VSTM2B: variants seen among roughly 807,000 people sequenced by gnomAD.
VSTM2B encodes the protein V-set and transmembrane domain-containing protein 2B.
Under a neutral mutation model 24.0 loss-of-function variants are expected in VSTM2B, and 24 were observed. The ratio of observed to expected loss-of-function variants is 1.00; its 90% CI spans 0.72 to 1.40. The LOEUF is 1.40. Ranked by LOEUF, VSTM2B falls within the 40% of genes most tolerant of loss-of-function variation. The probability of loss-of-function intolerance (pLI) is 0.00; values close to 1 mark genes in which losing one functional copy is unlikely to be tolerated. For synonymous variants in VSTM2B, 226 were observed against 194.4 expected (o/e 1.16, Z -1.35); for missense variants, 399 against 416.4 (o/e 0.96, Z 0.36).
chr19:29,564,405 TA>T lies in VSTM2B; in HGVS notation c.*477del, dbSNP rs1214789221. The T allele has an allele frequency of 6.6e-6, 1 of 152,380 alleles. No individual in the cohort carries two copies. The highest frequency in any genetic ancestry group is 6.5e-5 in the Admixed American group (1 of 15,290). 9.4% of individuals were successfully genotyped at this position (152,380 alleles called of 1,614,324 possible). ...ATTATTTCTTTTGAGGCATTTTGATTAAAAAAGACACATCTTATCATAATTA... is the reference window on the plus strand; with the variant it reads ...ATTATTTCTTTTGAGGCATTTTGATTAAAAAGACACATCTTATCATAATTA... On this transcript the variant is annotated 3_prime_UTR_variant, in exon 5 of 5. Transcript: ENST00000335523.
At chr19:29,557,713 AG>A (rs1301548649) in intron 4 of VSTM2B, among the ~76,000 whole-genome samples, 2 of 151,490 alleles carry the variant, frequency 1.3e-5, no homozygotes, top group Non-Finnish European at 2.9e-5. Context: ...AAAAAAAAAA[AG>A]ACTTAAATGT....
At chr19:29,534,754 A>G (rs1370155647) in intron 4 of VSTM2B, among the ~76,000 whole-genome samples, 1 of 151,950 alleles carries the variant, frequency 6.6e-6, no homozygotes, top group Non-Finnish European at 1.5e-5. Context: ...AAAGAAAAGA[A>G]AGAGGCTCAG....
intron 4 of VSTM2B, among the ~76,000 whole-genome samples, chr19:29,553,078 C>T (rs1970323657): frequency 6.6e-6 from 1 of 152,152 alleles, no homozygotes; most frequent in Admixed American, 6.5e-5. Context: ...AGTGAGATCC[C>T]CCCCAGCATA....
At position 29,559,068 on chromosome 19, in the gene VSTM2B, T is replaced by A. The variant is rs554764752; in HGVS notation, c.770-4778T>A. Among the ~76,000 whole-genome samples the A allele has an allele frequency of 1.2e-3, 190 of 152,190 alleles. 1 individual carries two copies. The highest frequency in any genetic ancestry group is 2.3e-3 in the Non-Finnish European group (154 of 68,012). ...AGACAATGTGGCTATTCCTCAAGGATCTAGAACCAGAAATACCATTTGACC... is the reference window on the plus strand; with the variant it reads ...AGACAATGTGGCTATTCCTCAAGGAACTAGAACCAGAAATACCATTTGACC... On this transcript the variant is annotated intron_variant, in intron 4 of 4. Coordinates refer to ENST00000335523, the MANE Select transcript of VSTM2B (RefSeq NM_001146339.2).
rs1305799424 is a variant in VSTM2B, at chr19:29,530,199, G to T, written c.678G>T (p.Thr226=). The change falls in exon 4 of 5, where the codon ACG becomes ACT. Residue 226 remains threonine (T), a synonymous_variant. Coordinates refer to ENST00000335523, the MANE Select transcript of VSTM2B (RefSeq NM_001146339.2). ...PEAAAASAAH[T]PTTTVAAAAA... is the part of the protein sequence containing the mutation. ...CCGCGGCAGCCTCGGCGGCCCACAC[G>T]CCCACCACCACAGTCGCGGCAGCTG... 4.7e-6 allele frequency: 7 copies of T among 1,497,002 alleles called. No individual in the cohort carries two copies. The African/African-American group carries it at 1.0e-4, about 22-fold the overall frequency. 92.7% of individuals were successfully genotyped at this position (1,497,002 alleles called of 1,614,324 possible).
At chr19:29,527,697 A>G (rs1969619741) in intron 2 of VSTM2B, among the ~76,000 whole-genome samples, 1 of 152,054 alleles carries the variant, frequency 6.6e-6, no homozygotes, top group Non-Finnish European at 1.5e-5. Flanking sequence ...CGGCCCTCTG[A>G]TGGGTGCTGG....
intron 4 of VSTM2B, among the ~76,000 whole-genome samples, chr19:29,550,204 C>A (rs566816480): frequency 2.6e-5 from 4 of 152,310 alleles, no homozygotes; most frequent in South Asian, 4.1e-4. Flanking sequence ...GAGGCCAAGG[C>A]GGGAGGATCA....
At chr19:29,529,198 A>C in intron 3 of VSTM2B, 9 of 941,744 alleles carry the variant, frequency 9.6e-6, no homozygotes, top group Non-Finnish European at 1.1e-5. Context: ...GCTTCTGGAG[A>C]TCCCGCGGAA....
chr19:29,552,723 G>A (rs1970314327), intron 4 of VSTM2B, among the ~76,000 whole-genome samples: 1 of 152,198 alleles, frequency 6.6e-6, no homozygotes, highest in African/African-American at 2.4e-5. Flanking sequence ...AAGCTCCCAG[G>A]GGGAAGGGCA....
At chr19:29,550,924 G>A (rs1265476216) in intron 4 of VSTM2B, among the ~76,000 whole-genome samples, 2 of 152,138 alleles carry the variant, frequency 1.3e-5, no homozygotes, top group African/African-American at 2.4e-5. Context: ...ACCTGGCCAG[G>A]CCCAAAGGAT....
At chr19:29,544,568 A>G (rs961254725) in intron 4 of VSTM2B, among the ~76,000 whole-genome samples, 3 of 149,652 alleles carry the variant, frequency 2.0e-5, no homozygotes, top group African/African-American at 7.4e-5. Context: ...TGAATGTGCC[A>G]TAATAGAATG....
At chr19:29,538,572 A>AT (rs749077573) in intron 4 of VSTM2B, among the ~76,000 whole-genome samples, 4 of 152,208 alleles carry the variant, frequency 2.6e-5, no homozygotes, top group Non-Finnish European at 5.9e-5. Flanking sequence ...CTATCAGGGA[A>AT]TACCTGAGTC....
At chr19:29,536,051 C>T (rs1198230821) in intron 4 of VSTM2B, among the ~76,000 whole-genome samples, 1 of 152,242 alleles carries the variant, frequency 6.6e-6, no homozygotes. Context: ...CTGAGCCTCA[C>T]AGCTGGCAAG....
At position 29,527,246 on chromosome 19, in the gene VSTM2B, C is replaced by A. The variant is rs1047785210; in HGVS notation, c.118C>A (p.Arg40=). 2.6e-6 allele frequency: 4 copies of A among 1,549,916 alleles called. No individual in the cohort carries two copies. Among genetic ancestry groups the A allele is most frequent in the Non-Finnish European group, 2.6e-6 (3 of 1,146,578 alleles). The change falls in exon 2 of 5, where the codon CGG becomes AGG. Residue 40 remains arginine (R), a synonymous_variant. Coordinates refer to ENST00000335523, the MANE Select transcript of VSTM2B (RefSeq NM_001146339.2). ...FTEVPKDVTV[R]EGDDIEMPCA... ...AGAAGTCCCCAAAGATGTGACAGTA[C>A]GGGAGGGAGACGACATCGAAATGCC...
intron 4 of VSTM2B, among the ~76,000 whole-genome samples, chr19:29,554,712 G>A (rs1599904028): frequency 6.6e-6 from 1 of 152,172 alleles, no homozygotes; most frequent in East Asian, 1.9e-4. Flanking sequence ...AAAATAAAGG[G>A]ATAGAGGAAA....
chr19:29,538,286 C>G (rs146248905), intron 4 of VSTM2B, among the ~76,000 whole-genome samples: 8 of 152,160 alleles, frequency 5.3e-5, no homozygotes, highest in African/African-American at 1.9e-4. Context: ...AGCACGACAC[C>G]GATTCCTATG....
intron 4 of VSTM2B, among the ~76,000 whole-genome samples, chr19:29,563,569 T>C (rs965552406): frequency 3.3e-5 from 5 of 152,160 alleles, no homozygotes; most frequent in Non-Finnish European, 7.4e-5. Context: ...TAAAATAAGG[T>C]AATGACTTGG....
chr19:29,536,973 A>C (rs1160438446), intron 4 of VSTM2B, among the ~76,000 whole-genome samples: 1 of 152,214 alleles, frequency 6.6e-6, no homozygotes, highest in Non-Finnish European at 1.5e-5. Flanking sequence ...AGATGCCAGC[A>C]TGGTTTTAAG....
rs1375181128 is a variant in VSTM2B, at chr19:29,526,067, G to C, written c.-517G>C. 1.3e-5 allele frequency among the ~76,000 whole-genome samples: 2 copies of C among 152,010 alleles called. No homozygotes were observed. Among genetic ancestry groups the C allele is most frequent in the Non-Finnish European group, 2.9e-5 (2 of 67,964 alleles). On this transcript the variant is annotated 5_prime_UTR_variant, in exon 1 of 5. Transcript: ENST00000335523. The surrounding 1 kb of genome is among the most constrained non-coding windows in gnomAD (Gnocchi z 4.1). ...CTGCGCTGGGTCGGACGCCAGGTCT[G>C]CGCGCCGCGGCTGAGCGCCCACTCG...
Sources: allele counts gnomAD v4.1 joint callset (sites outside exome capture counted in the v4.1 genomes callset), GRCh38; gene constraint gnomAD v4.1.1; non-coding constraint Gnocchi (gnomAD v3.1); transcripts MANE v1.5; gene names NCBI Gene and HGNC (gene_info 2026-07-23, HGNC 2026-07-21).